LIG3: variants seen among roughly 807,000 people sequenced by gnomAD.
The protein encoded by LIG3 is DNA ligase 3.
In LIG3, 58 loss-of-function variants were observed where a neutral mutation model predicts 110.9. That is an observed-to-expected ratio of 0.52 (90% confidence interval 0.42 to 0.65). LIG3 has a LOEUF of 0.65. Among genes scored for constraint, LIG3 ranks in the 30% least tolerant of loss-of-function variants. LIG3 has a pLI of 0.00. For missense variants in LIG3, 1,094 were observed against 1,273.8 expected (o/e 0.86, Z 2.15); for synonymous variants, 422 against 472.8 (o/e 0.89, Z 1.39).
Position 34,998,687 on chromosome 17 carries a change from C to T in LIG3, c.2073C>T (p.Asp691=). Residue 691 remains aspartate (D), a synonymous_variant, in exon 14 of 20, where the codon GAC becomes GAT. Transcript: ENST00000378526. ...AGGGGGCCATGGCCGACACAGCTGA[C>T]CTGGTGGTCCTTGGAGCCTTCTATG... The part of the protein sequence containing the change: ...LNEGAMADTA[D]LVVLGAFYGQ... 1.2e-6 allele frequency: 2 copies of T among 1,614,172 alleles called. No homozygotes were observed. The highest frequency in any genetic ancestry group is 1.7e-6 in the Non-Finnish European group (2 of 1,180,014).
At chr17:34,999,487 G>A in intron 15 of LIG3, 38 bp downstream of exon 15, 1 of 1,598,880 alleles carries the variant, frequency 6.3e-7, no homozygotes, top group Non-Finnish European at 8.5e-7. Flanking sequence ...CCTCTGGACT[G>A]GCCGCCATCA....
intron 4 of LIG3, 76 bp downstream of exon 4, chr17:34,989,739 C>T (rs1264317348): frequency 1.5e-6 from 2 of 1,364,310 alleles, no homozygotes; most frequent in African/African-American, 1.4e-5. Context: ...GGCATGTGAG[C>T]TGTATAGTTG....
Position 34,994,438 on chromosome 17 carries a change from G to A in LIG3, c.1611+7G>A, listed in dbSNP as rs2090757811. On this transcript the variant is annotated splice_region_variant and intron_variant, in intron 9 of 19. Coordinates refer to ENST00000378526, the MANE Select transcript of LIG3 (RefSeq NM_013975.4). The stretch of plus-strand genomic sequence containing the variant: ...GCCCGTCCTTCCTCACAAGGTATGA[G>A]TGCCTTCCTTTCTGCCAGGACCGTC... 2 of 1,612,184 alleles carry A rather than the reference G, an allele frequency of 1.2e-6. No individual in the cohort carries two copies. Among genetic ancestry groups the A allele is most frequent in the East Asian group, 2.2e-5 (1 of 44,854 alleles).
chr17:34,996,213 T>C lies in LIG3; in HGVS notation c.1743+18T>C, dbSNP rs2090775748. 1 of 1,612,776 alleles carries C rather than the reference T, an allele frequency of 6.2e-7. No individual in the cohort carries two copies. Among genetic ancestry groups the C allele is most frequent in the Admixed American group, 1.7e-5 (1 of 59,842 alleles). ...TACACAAGGTACTAGCTCAGGGCCA[T>C]ATGTGCAAGAATGAATGAGTGTGAG... On this transcript the variant is annotated intron_variant, in intron 10 of 19. Coordinates refer to ENST00000378526, the MANE Select transcript of LIG3 (RefSeq NM_013975.4).
chr17:34,993,799 G>GT (rs2090750372), intron 8 of LIG3, among the ~76,000 whole-genome samples: 1 of 152,172 alleles, frequency 6.6e-6, no homozygotes, highest in African/African-American at 2.4e-5. Context: ...AGGTAGGCAT[G>GT]TAAGTAGGTG....
At chr17:34,990,858 A>G in intron 4 of LIG3, 105 bp from the exon 5 acceptor site, 1 of 1,065,310 alleles carries the variant, frequency 9.4e-7, no homozygotes, top group Non-Finnish European at 1.4e-6. Context: ...CGGCCTCCCA[A>G]AGTGCTGAGA....
At chr17:34,997,963 C>G in intron 12 of LIG3, 138 bp downstream of exon 12, 1 of 709,432 alleles carries the variant, frequency 1.4e-6, no homozygotes, top group Non-Finnish European at 2.5e-6. Context: ...TTGACTATTG[C>G]ATATGTTGCC....
In LIG3 at chr17:34,998,589, T is replaced by C. The variant is rs769348877; in HGVS notation, c.1990-15T>C. On this transcript the variant is annotated splice_polypyrimidine_tract_variant and intron_variant, in intron 13 of 19. Coordinates refer to ENST00000378526, the MANE Select transcript of LIG3 (RefSeq NM_013975.4). ...TGCCTTTCTATTCTGTGGTCTCTCT[T>C]TTGCTTCCCTTCAGGGTACATATGA... 4.4e-6 allele frequency: 7 copies of C among 1,598,810 alleles called. No individual in the cohort carries two copies. Among genetic ancestry groups the C allele is most frequent in the Non-Finnish European group, 5.9e-6 (7 of 1,179,260 alleles).
intron 2 of LIG3, 143 bp from the exon 3 acceptor site, chr17:34,985,845 T>TACCAGCC: frequency 1.4e-6 from 1 of 708,380 alleles, no homozygotes; most frequent in Admixed American, 2.8e-5. Context: ...ACTCAAAAAA[T>TACCAGCC]ACCAGCCACC....
At chr17:34,993,865 A>T (rs1264282628) in intron 8 of LIG3, among the ~76,000 whole-genome samples, 2 of 152,164 alleles carry the variant, frequency 1.3e-5, no homozygotes, top group African/African-American at 4.8e-5. Context: ...TCACCCTGCC[A>T]GCCTCACTGT....
chr17:34,992,493 T>A (rs2090732851), intron 7 of LIG3, 31 bp from the exon 8 acceptor site: 2 of 1,536,786 alleles, frequency 1.3e-6, no homozygotes, highest in African/African-American at 2.8e-5. Context: ...AGGCAGTGGT[T>A]TTGTTTCCTT....
At chr17:34,999,944 G>C in intron 16 of LIG3, 88 bp downstream of exon 16, 1 of 1,066,464 alleles carries the variant, frequency 9.4e-7, no homozygotes, top group East Asian at 2.5e-5. Flanking sequence ...TCACCTCGCT[G>C]AAAGTCCACC....
intron 3 of LIG3, 45 bp downstream of exon 3, chr17:34,986,176 A>C (rs750196976): frequency 1.3e-6 from 2 of 1,582,522 alleles, no homozygotes; most frequent in East Asian, 4.5e-5. Flanking sequence ...TGCTGCTTTT[A>C]TTTTGTATTC....
Position 34,998,691 on chromosome 17 carries a change from G to T in LIG3, c.2077G>T (p.Val693Leu). ...GGCCATGGCCGACACAGCTGACCTGGTGGTCCTTGGAGCCTTCTATGGGCA... is the reference window on the plus strand; with the variant it reads ...GGCCATGGCCGACACAGCTGACCTGTTGGTCCTTGGAGCCTTCTATGGGCA... ...EGAMADTADL[V>L]VLGAFYGQGS... is the part of the protein sequence containing the mutation. The change falls in exon 14 of 20, where the codon GTG becomes TTG. Residue 693 changes from valine to leucine, a missense_variant. By Grantham distance (32) the Val-to-Leu change is conservative (BLOSUM62 1). Transcript: ENST00000378526. The T allele has an allele frequency of 6.2e-7, 1 of 1,614,170 alleles. No individual in the cohort carries two copies. Among genetic ancestry groups the T allele is most frequent in the South Asian group, 1.1e-5 (1 of 91,084 alleles).
intron 1 of LIG3, chr17:34,981,219 C>G (rs1445290428): frequency 6.6e-6 from 1 of 152,398 alleles, no homozygotes; most frequent in Non-Finnish European, 1.5e-5. Context: ...CGTGGCCCAG[C>G]GCCTCCCGAG....
At chr17:34,999,718 G>A in intron 15 of LIG3, 64 bp from the exon 16 acceptor site, 2 of 1,408,348 alleles carry the variant, frequency 1.4e-6, no homozygotes, top group Non-Finnish European at 2.0e-6. Context: ...TCATTACCAA[G>A]AGAAGGGATT....
intron 10 of LIG3, 173 bp from the exon 11 acceptor site, chr17:34,996,401 G>C: frequency 1.3e-6 from 1 of 789,116 alleles, no homozygotes; most frequent in East Asian, 2.6e-5. Flanking sequence ...TAACTGGGTT[G>C]GTTTCCATTT....
chr17:34,989,664 G>A lies in LIG3; in HGVS notation c.889+1G>A. ...TTCCTTCGGAAAGGCTCAGCAGGAGGTGTGGCATGAGCATCCTGAATAGGC... is the reference window on the plus strand; with the variant it reads ...TTCCTTCGGAAAGGCTCAGCAGGAGATGTGGCATGAGCATCCTGAATAGGC... On this transcript the variant is annotated splice_donor_variant, in intron 4 of 19. Coordinates refer to ENST00000378526, the MANE Select transcript of LIG3 (RefSeq NM_013975.4). LOFTEE classifies it high-confidence loss of function. The A allele has an allele frequency of 6.2e-7, 1 of 1,614,108 alleles. No individual in the cohort carries two copies. Among genetic ancestry groups the A allele is most frequent in the East Asian group, 2.2e-5 (1 of 44,872 alleles).
In LIG3 at chr17:34,991,723, C is replaced by G. The variant is rs774138667; in HGVS notation, c.1094C>G (p.Pro365Arg). The change falls in exon 6 of 20, where the codon CCC (proline) becomes CGC (arginine). Residue 365 changes from proline to arginine, a missense_variant. Transcript: ENST00000378526. The stretch of plus-strand genomic sequence containing the variant: ...TTCTTTGAGCAGAGCAAGTCTTTCC[C>G]CCCAGCTGCCAAGAGCCTCCTTACC... ...RVFFEQSKSF[P>R]PAAKSLLTIQ... 2 of 1,613,996 alleles carry G rather than the reference C, an allele frequency of 1.2e-6. No homozygotes were observed. The highest frequency in any genetic ancestry group is 1.1e-5 in the South Asian group (1 of 91,068).
Sources: gnomAD v4.1 joint callset for allele counts (sites outside exome capture counted in the v4.1 genomes callset) on GRCh38, gnomAD v4.1.1 for gene constraint, MANE v1.5 for transcripts, NCBI Gene and HGNC (gene_info 2026-07-23, HGNC 2026-07-21) for gene names.